The following GREB1 variants were observed in gnomAD, a reference collection of about 807,000 sequenced individuals.
GREB1 encodes protein GREB1.
In GREB1, 106 loss-of-function variants were observed where a neutral mutation model predicts 200.7. The ratio of observed to expected loss-of-function variants is 0.53; its 90% CI spans 0.45 to 0.62. The LOEUF (loss-of-function observed/expected upper bound fraction) is 0.62, where lower values mean the gene tolerates loss of function less well. GREB1 is among the 20% of genes least tolerant of loss of function. The pLI, the probability that GREB1 is intolerant of heterozygous loss-of-function variation, is 0.00. For missense variants in GREB1, 2,243 were observed against 2,556.8 expected, an observed-to-expected ratio of 0.88 and a Z score of 2.65; for synonymous variants, 1,132 against 1,092.4, an observed-to-expected ratio of 1.04 and a Z score of -0.72.
intron 10 of GREB1, chr2:11,592,216 G>T: frequency 1.1e-4 from 37 of 330,488 alleles, no homozygotes; most frequent in South Asian, 2.4e-4. Flanking sequence ...CAACAGCAGT[G>T]TTTTGGGTGA....
At chr2:11,612,425 G>C in intron 18 of GREB1, 70 bp from the exon 19 acceptor site, 1 of 1,508,796 alleles carries the variant, frequency 6.6e-7, no homozygotes, top group South Asian at 1.2e-5. Flanking sequence ...GAGGCCATCA[G>C]GATTCCTCTG....
At chr2:11,632,749 T>G in intron 27 of GREB1, 140 bp from the exon 28 acceptor site, 1 of 653,110 alleles carries the variant, frequency 1.5e-6, no homozygotes. Context: ...CCATGGGCTG[T>G]GTTTTGTGAC....
intron 6 of GREB1, 110 bp downstream of exon 6, chr2:11,578,541 T>G: frequency 8.7e-7 from 1 of 1,143,468 alleles, no homozygotes; most frequent in Non-Finnish European, 1.2e-6. Flanking sequence ...ATCAGGGGGC[T>G]GTTATCTTTT....
intron 1 of GREB1, among the ~76,000 whole-genome samples, chr2:11,515,938 G>A (rs1388108487): frequency 6.6e-6 from 1 of 152,204 alleles, no homozygotes; most frequent in African/African-American, 2.4e-5. Flanking sequence ...AGGCAAGACA[G>A]CACTTCGGGC....
chr2:11,622,783 G>T (rs1296530077), intron 23 of GREB1, among the ~76,000 whole-genome samples: 1 of 152,222 alleles, frequency 6.6e-6, no homozygotes, highest in East Asian at 1.9e-4. Context: ...CACCTGGGGG[G>T]ATGGTGCTGG....
intron 1 of GREB1, among the ~76,000 whole-genome samples, chr2:11,513,197 A>G (rs1331054609): frequency 6.6e-6 from 1 of 152,054 alleles, no homozygotes; most frequent in Non-Finnish European, 1.5e-5. Flanking sequence ...TATCCTCTTT[A>G]TTTTCCCACA....
At chr2:11,637,235 T>C (rs1685454435) in intron 30 of GREB1, among the ~76,000 whole-genome samples, 1 of 152,078 alleles carries the variant, frequency 6.6e-6, no homozygotes, top group Non-Finnish European at 1.5e-5. Context: ...TCCAGACTTT[T>C]CTCTAGGACT....
Position 11,610,913 on chromosome 2 carries a change from T to G in GREB1, c.2892T>G (p.Tyr964Ter). The G allele has an allele frequency of 6.2e-7, 1 of 1,612,782 alleles. No homozygotes were observed. The highest frequency in any genetic ancestry group is 8.5e-7 in the Non-Finnish European group (1 of 1,179,706). Residue 964 changes from tyrosine (Y) to a stop codon, truncating the protein, a stop_gained, in exon 18 of 33, where the codon TAT becomes TAG. Transcript: ENST00000381486. LOFTEE classifies it high-confidence loss of function. ...GTTCGCCCCTGGCGGTGGTGGCCTA[T>G]GAGCGGCTGGCCCACGTGCGGGCCC... is the stretch of plus-strand genomic sequence containing the variant. ...VPCSPLAVVAYERLAHVRARL... is the reference protein window; with the variant it reads ...VPCSPLAVVA
chr2:11,563,920 G>A (rs759087267), intron 3 of GREB1, among the ~76,000 whole-genome samples: 8 of 152,182 alleles, frequency 5.3e-5, no homozygotes, highest in Non-Finnish European at 7.3e-5. Context: ...TTGGGAGCAA[G>A]CAGGGGTGCA....
intron 1 of GREB1, among the ~76,000 whole-genome samples, chr2:11,550,976 A>T (rs1258872994): frequency 1.3e-5 from 2 of 152,028 alleles, no homozygotes; most frequent in Non-Finnish European, 2.9e-5. Context: ...TTGAACTTCA[A>T]CTCAACCTAA....
intron 1 of GREB1, among the ~76,000 whole-genome samples, chr2:11,491,089 G>A (rs189899083): frequency 2.4e-3 from 365 of 152,332 alleles, no homozygotes; most frequent in South Asian, 7.0e-3. Flanking sequence ...AGTGGGTGGA[G>A]AGGTCTCTCA....
At chr2:11,538,635 TTC>T (rs1338126451) in intron 1 of GREB1, among the ~76,000 whole-genome samples, 1 of 23,130 alleles carries the variant, frequency 4.3e-5, no homozygotes, top group Non-Finnish European at 1.6e-4. Flanking sequence ...CTTTCTTTCT[TTC>T]TTTCTTTCTT....
chr2:11,582,135 G>A (rs980563114), intron 7 of GREB1, among the ~76,000 whole-genome samples: 1 of 152,190 alleles, frequency 6.6e-6, no homozygotes, highest in African/African-American at 2.4e-5. Flanking sequence ...GGGATGCCAC[G>A]CTGCTGCGGC....
At chr2:11,586,452 G>C (rs553436925) in intron 9 of GREB1, among the ~76,000 whole-genome samples, 13 of 152,232 alleles carry the variant, frequency 8.5e-5, no homozygotes, top group Non-Finnish European at 1.5e-4. Flanking sequence ...CGCTACGTGG[G>C]GGTAGACTTT....
intron 1 of GREB1, among the ~76,000 whole-genome samples, chr2:11,509,916 G>T (rs530369652): frequency 6.6e-6 from 1 of 152,304 alleles, no homozygotes; most frequent in Non-Finnish European, 1.5e-5. Context: ...CAGCTCCAAT[G>T]GGCTAAGACA....
intron 1 of GREB1, among the ~76,000 whole-genome samples, chr2:11,489,555 T>C (rs1377294891): frequency 3.3e-5 from 5 of 152,232 alleles, no homozygotes; most frequent in Non-Finnish European, 7.3e-5. Flanking sequence ...TTTAGTTTCA[T>C]ATTTCTCAAA....
intron 4 of GREB1, among the ~76,000 whole-genome samples, chr2:11,574,521 G>A (rs914979669): frequency 6.6e-6 from 1 of 152,132 alleles, no homozygotes; most frequent in Non-Finnish European, 1.5e-5. Flanking sequence ...TTGAAAGGCA[G>A]GGGAGTCCAG....
chr2:11,531,674 G>A (rs187992451), upstream of GREB1, among the ~76,000 whole-genome samples: 1 of 152,008 alleles, frequency 6.6e-6, no homozygotes, highest in South Asian at 2.1e-4. Flanking sequence ...GGGTTCAAGC[G>A]ATTCTCCTGC....
chr2:11,520,624 C>T (rs1198102072), intron 1 of GREB1, among the ~76,000 whole-genome samples: 1 of 152,174 alleles, frequency 6.6e-6, no homozygotes, highest in Non-Finnish European at 1.5e-5. Flanking sequence ...CTCCTCTTTC[C>T]TTTTCCTCCT....
Sources: allele counts gnomAD v4.1 joint callset (sites outside exome capture counted in the v4.1 genomes callset), GRCh38; gene constraint gnomAD v4.1.1; transcripts MANE v1.5; gene names NCBI Gene and HGNC (gene_info 2026-07-23, HGNC 2026-07-21).